TCF4: variants seen among roughly 807,000 people sequenced by gnomAD.
TCF4 encodes transcription factor 4.
In TCF4, 3 loss-of-function variants were observed where a neutral mutation model predicts 82.1. The ratio of observed to expected loss-of-function variants is 0.04; its 90% CI spans 0.02 to 0.09. The LOEUF (loss-of-function observed/expected upper bound fraction) is 0.09, where lower values mean the gene tolerates loss of function less well. Ranked by LOEUF, TCF4 falls within the 10% of genes least tolerant of loss-of-function variation. TCF4 has a pLI of 1.00. For missense variants in TCF4, 518 were observed against 852.7 expected, an observed-to-expected ratio of 0.61 and a Z score of 4.89; for synonymous variants, 276 against 309.6, an observed-to-expected ratio of 0.89 and a Z score of 1.14.
intron 4 of TCF4, among the ~76,000 whole-genome samples, chr18:55,462,418 ATGAAAAAAGAGAGACCT>A (rs1274334697): frequency 3.3e-5 from 5 of 152,158 alleles, no homozygotes; most frequent in Non-Finnish European, 7.3e-5. Context: ...CCATGTTAAG[ATGAAAAAAGAGAGACCT>A]TGAAAGTACG....
At chr18:55,537,674 G>A (rs1160604038) in intron 3 of TCF4, among the ~76,000 whole-genome samples, 1 of 152,174 alleles carries the variant, frequency 6.6e-6, no homozygotes, top group East Asian at 1.9e-4. Flanking sequence ...GTACGTGTGT[G>A]TGTATAAGTT....
chr18:55,346,505 A>T (rs2081211986), intron 8 of TCF4, among the ~76,000 whole-genome samples: 1 of 152,210 alleles, frequency 6.6e-6, no homozygotes, highest in Admixed American at 6.5e-5. Context: ...ACTGAGAAGT[A>T]CAGCTTTAGG....
intron 5 of TCF4, among the ~76,000 whole-genome samples, chr18:55,456,388 A>G (rs2095754689): frequency 6.6e-6 from 1 of 152,230 alleles, no homozygotes; most frequent in Non-Finnish European, 1.5e-5. Context: ...ATACCACAGT[A>G]AGGAAACTGA....
intron 8 of TCF4, among the ~76,000 whole-genome samples, chr18:55,302,188 C>T (rs923445111): frequency 2.0e-5 from 3 of 152,322 alleles, no homozygotes; most frequent in South Asian, 4.1e-4. Flanking sequence ...CAGGAACATT[C>T]GTAATGACAG....
At chr18:55,505,291 T>A (rs1393103146) in intron 3 of TCF4, among the ~76,000 whole-genome samples, 1 of 152,216 alleles carries the variant, frequency 6.6e-6, no homozygotes, top group Non-Finnish European at 1.5e-5. Flanking sequence ...TTTATTGTCA[T>A]ATGCTGGATA....
intron 3 of TCF4, among the ~76,000 whole-genome samples, chr18:55,468,880 CG>C (rs1262292833): frequency 1.6e-4 from 3 of 18,636 alleles, no homozygotes; most frequent in Admixed American, 7.3e-4. Context: ...ATTTAGTTCT[CG>C]CCCCCCCCCC....
chr18:55,366,898 C>A (rs562929827), intron 6 of TCF4, among the ~76,000 whole-genome samples: 7 of 152,262 alleles, frequency 4.6e-5, no homozygotes, highest in Admixed American at 3.9e-4. Context: ...TATACATATA[C>A]ATTTCCATAC....
intron 2 of TCF4, among the ~76,000 whole-genome samples, chr18:55,619,594 T>C (rs2097715633): frequency 6.6e-6 from 1 of 152,236 alleles, no homozygotes; most frequent in Non-Finnish European, 1.5e-5. Flanking sequence ...TCTATGTCTT[T>C]GCCTAACTTT....
chr18:55,454,331 T>A (rs993489558), intron 5 of TCF4, among the ~76,000 whole-genome samples: 1 of 152,184 alleles, frequency 6.6e-6, no homozygotes, highest in Non-Finnish European at 1.5e-5. Flanking sequence ...TCTATATGAC[T>A]GGCTCTGGTT....
intron 14 of TCF4, among the ~76,000 whole-genome samples, chr18:55,255,284 G>A (rs916044824): frequency 6.6e-6 from 1 of 152,092 alleles, no homozygotes; most frequent in Non-Finnish European, 1.5e-5. Context: ...TGGTATGCGT[G>A]TAAGGGCCTC....
At position 55,575,573 on chromosome 18, in the gene TCF4, TA is replaced by T. The variant is rs201361438; in HGVS notation, c.145+9706del. On this transcript the variant is annotated intron_variant, in intron 3 of 19. Coordinates refer to ENST00000354452, the MANE Select transcript of TCF4 (RefSeq NM_001083962.2). ...TGAGTCTAGAATATCCTCTTTGTCA[TA>T]AATTTTTTTTTTTACTCTATACCAA... Among the ~76,000 whole-genome samples the T allele has an allele frequency of 1.7e-3, 251 of 151,900 alleles. 1 individual carries two copies. The highest frequency in any genetic ancestry group is 3.4e-3 in the Middle Eastern group (1 of 292).
At chr18:55,434,611 T>C (rs142538512) in intron 5 of TCF4, among the ~76,000 whole-genome samples, 1,561 of 151,152 alleles carry the variant, frequency 0.01, 31 homozygotes, top group African/African-American at 0.036. Context: ...GTATTTTTAG[T>C]AGAGACGGGG....
At chr18:55,241,725 A>G (rs1340870095) in intron 15 of TCF4, among the ~76,000 whole-genome samples, 5 of 152,230 alleles carry the variant, frequency 3.3e-5, no homozygotes, top group Non-Finnish European at 7.3e-5. Flanking sequence ...TGCTTACTGT[A>G]ATATATTTGA....
At chr18:55,527,236 T>C (rs1253562023) in intron 3 of TCF4, among the ~76,000 whole-genome samples, 1 of 152,096 alleles carries the variant, frequency 6.6e-6, no homozygotes, top group African/African-American at 2.4e-5. Flanking sequence ...CACATACATG[T>C]CTACAAAACT....
At chr18:55,380,664 G>A (rs757204428) in intron 6 of TCF4, among the ~76,000 whole-genome samples, 4 of 152,172 alleles carry the variant, frequency 2.6e-5, no homozygotes, top group Non-Finnish European at 5.9e-5. Flanking sequence ...TGTCAGTTCC[G>A]TATCCTGCAG....
chr18:55,555,012 A>AT, intron 3 of TCF4, among the ~76,000 whole-genome samples: 1 of 152,072 alleles, frequency 6.6e-6, no homozygotes, highest in South Asian at 2.1e-4. Context: ...ACTGCAGGTA[A>AT]TTTTTTTTCC....
At chr18:55,592,515 T>C (rs1212869561), upstream of TCF4, among the ~76,000 whole-genome samples, 1 of 152,154 alleles carries the variant, frequency 6.6e-6, no homozygotes, top group African/African-American at 2.4e-5. Context: ...ACCCTAGTTA[T>C]CTCCCAAAGA....
At chr18:55,582,881 G>C (rs774890318) in intron 3 of TCF4, among the ~76,000 whole-genome samples, 23 of 152,104 alleles carry the variant, frequency 1.5e-4, no homozygotes, top group Non-Finnish European at 3.2e-4. Flanking sequence ...GGTAAATTTA[G>C]AAAATTATTT....
intron 5 of TCF4, among the ~76,000 whole-genome samples, chr18:55,446,241 C>T (rs568597376): frequency 1.2e-4 from 19 of 152,226 alleles, no homozygotes; most frequent in African/African-American, 2.6e-4. Context: ...AATCAGCATG[C>T]TAAGGAGGGC....
Sources: gnomAD v4.1 joint callset for allele counts (sites outside exome capture counted in the v4.1 genomes callset) on GRCh38, gnomAD v4.1.1 for gene constraint, MANE v1.5 for transcripts, NCBI Gene and HGNC (gene_info 2026-07-23, HGNC 2026-07-21) for gene names.